The following DDX6 variants were observed in gnomAD, a reference collection of about 807,000 sequenced individuals.
The protein encoded by DDX6 is probable ATP-dependent RNA helicase DDX6.
A neutral mutation model predicts 60.6 loss-of-function variants in DDX6; 7 were observed. The ratio of observed to expected loss-of-function variants is 0.12; its 90% CI spans 0.07 to 0.22. DDX6 has a LOEUF of 0.22. Among genes scored for constraint, DDX6 ranks in the 10% least tolerant of loss-of-function variants. DDX6 has a pLI of 1.00. For missense variants in DDX6, 270 were observed against 589.9 expected, an observed-to-expected ratio of 0.46 and a Z score of 5.62; for synonymous variants, 207 against 201.0, an observed-to-expected ratio of 1.03 and a Z score of -0.25.
Position 118,786,058 on chromosome 11 carries a change from G to A in DDX6, c.194C>T (p.Thr65Ile). 6.2e-7 allele frequency: 1 copy of A among 1,613,232 alleles called. No individual in the cohort carries two copies. The highest frequency in any genetic ancestry group is 1.7e-4 in the Middle Eastern group (1 of 6,060). ...TQQQAQSMTT[T>I]IKPGDDWKKT... The stretch of plus-strand genomic sequence containing the variant: ...AATTTACTCTAACACTTACTTAATA[G>A]TGGTGGTCATACTCTGTGCTTGCTG... The change falls in exon 2 of 14, where the codon ACT becomes ATT. Residue 65 changes from threonine to isoleucine, a missense_variant. Thr to Ile is a moderately conservative substitution (Grantham distance 89). Transcript: ENST00000534980.
In DDX6 at chr11:118,781,181, A is replaced by G; in HGVS notation, c.204T>C (p.Pro68=). Residue 68 remains proline, a synonymous_variant, in exon 3 of 14, where the codon CCT becomes CCC. Coordinates refer to ENST00000534980, the MANE Select transcript of DDX6 (RefSeq NM_004397.6). ...QAQSMTTTIK[P]GDDWKKTLKL... is the part of the protein sequence containing the mutation. ...TTAAAGTCTTTTTCCAGTCATCACC[A>G]GGTCTAGAGAGAATACAGTAAACTT... The G allele has an allele frequency of 1.3e-6, 2 of 1,596,810 alleles. No individual in the cohort carries two copies. The highest frequency in any genetic ancestry group is 1.7e-6 in the Non-Finnish European group (2 of 1,168,156).
intron 7 of DDX6, among the ~76,000 whole-genome samples, chr11:118,761,877 A>AAC (rs1350894025): frequency 6.6e-6 from 1 of 150,632 alleles, no homozygotes; most frequent in African/African-American, 2.5e-5. Flanking sequence ...AAAAAAAAAA[A>AAC]ACAAACCATG....
At chr11:118,790,540 CCCTATAGGGCCGCCT>C (rs1473072557) in intron 1 of DDX6, among the ~76,000 whole-genome samples, 1 of 152,118 alleles carries the variant, frequency 6.6e-6, no homozygotes, top group Non-Finnish European at 1.5e-5. Flanking sequence ...CCCTGCCGCC[CCCTATAGGGCCGCCT>C]CGTACCCTAT....
intron 12 of DDX6, 50 bp from the exon 13 acceptor site, chr11:118,754,937 T>A (rs916067848): frequency 6.7e-7 from 1 of 1,496,572 alleles, no homozygotes; most frequent in East Asian, 2.4e-5. Flanking sequence ...TGAAAATCAA[T>A]GTGAATTGTG....
At chr11:118,755,666 A>G (rs782510578) in intron 11 of DDX6, among the ~76,000 whole-genome samples, 163 bp from the exon 12 acceptor site, 3 of 152,202 alleles carry the variant, frequency 2.0e-5, no homozygotes, top group Admixed American at 6.5e-5. Flanking sequence ...ATTATCATAA[A>G]TAACTTTCTG....
chr11:118,757,476 T>A (rs1487894070), intron 9 of DDX6, among the ~76,000 whole-genome samples, 189 bp from the exon 10 acceptor site: 5 of 152,252 alleles, frequency 3.3e-5, no homozygotes, highest in Admixed American at 1.3e-4. Context: ...TATCTAAGAT[T>A]TACCGTATTA....
At chr11:118,762,846 A>G (rs1861220710) in intron 7 of DDX6, among the ~76,000 whole-genome samples, 1 of 152,214 alleles carries the variant, frequency 6.6e-6, no homozygotes, top group Non-Finnish European at 1.5e-5. Flanking sequence ...TAAAAACCAA[A>G]CAGTACAAAG....
chr11:118,766,692 C>A (rs1423132046), intron 5 of DDX6, among the ~76,000 whole-genome samples: 1 of 152,080 alleles, frequency 6.6e-6, no homozygotes, highest in Non-Finnish European at 1.5e-5. Flanking sequence ...CTCCCAGGTT[C>A]AAGCAATTCT....
chr11:118,763,921 G>A (rs1591897741), intron 6 of DDX6, among the ~76,000 whole-genome samples: 1 of 151,716 alleles, frequency 6.6e-6, no homozygotes, highest in Non-Finnish European at 1.5e-5. Flanking sequence ...ACAAAGATGT[G>A]TTTTAGGATA....
In DDX6 at chr11:118,751,345, A is replaced by G. The variant is rs1471126179; in HGVS notation, c.*760T>C. The G allele has an allele frequency of 6.6e-6, 1 of 152,008 alleles. No individual in the cohort carries two copies. The highest frequency in any genetic ancestry group is 1.5e-5 in the Non-Finnish European group (1 of 68,012). 9.4% of individuals were successfully genotyped at this position (152,008 alleles called of 1,614,324 possible). A position where few individuals can be genotyped will look rare whatever the true frequency, so the allele number is the denominator to read the frequency against. On this transcript the variant is annotated 3_prime_UTR_variant, in exon 14 of 14. Coordinates refer to ENST00000534980, the MANE Select transcript of DDX6 (RefSeq NM_004397.6). ...ATGTTTTTTATCTACTCAGCCCAGA[A>G]GAAATTTTTACTTGGGATTGTTTTT...
chr11:118,754,822 T>C lies in DDX6; in HGVS notation c.1342A>G (p.Ser448Gly). 6.2e-7 allele frequency: 1 copy of C among 1,613,852 alleles called. No individual in the cohort carries two copies. The highest frequency in any genetic ancestry group is 2.2e-5 in the East Asian group (1 of 44,870). The change falls in exon 13 of 14, where the codon AGT becomes GGT. Residue 448 changes from serine to glycine, a missense_variant. Physicochemically the swap from Ser to Gly is moderately conservative, Grantham distance 56 (BLOSUM62 0). Around this residue, in one of 8 missense-constraint regions of DDX6, gnomAD observed 34 missense variants for 59.4 expected, o/e 0.57. Coordinates refer to ENST00000534980, the MANE Select transcript of DDX6 (RefSeq NM_004397.6). ...TCTGTTCCCAGCTGCTCCTCAATAC[T>C]TTTCAGGTTGAAGCGATCATCATAT... is the stretch of plus-strand genomic sequence containing the variant. ...ITYDDRFNLK[S>G]IEEQLGTEIK...
chr11:118,786,329 G>A lies in DDX6; in HGVS notation c.-78C>T. ...GAGAAACTGTAATAACAGTTTATTA[G>A]GCTCTCCAAAATGAAGAGATAAATA... is the stretch of plus-strand genomic sequence containing the variant. On this transcript the variant is annotated 5_prime_UTR_variant, in exon 2 of 14. Transcript: ENST00000534980. 2.4e-6 allele frequency: 3 copies of A among 1,260,650 alleles called. No individual in the cohort carries two copies. Among genetic ancestry groups the A allele is most frequent in the Non-Finnish European group, 3.3e-6 (3 of 907,066 alleles). 78.1% of individuals were successfully genotyped at this position (1,260,650 alleles called of 1,614,324 possible).
chr11:118,778,880 C>T (rs1418119711), intron 4 of DDX6, among the ~76,000 whole-genome samples: 6 of 151,920 alleles, frequency 3.9e-5, no homozygotes, highest in Non-Finnish European at 8.8e-5. Context: ...GGGAAATGTA[C>T]TATTAATAAA....
intron 1 of DDX6, chr11:118,787,475 AAAAAC>A (rs1862112991): frequency 1.1e-5 from 1 of 90,554 alleles, no homozygotes; most frequent in South Asian, 4.5e-4. Context: ...TCTCAAAAAC[AAAAAC>A]AAACAAGAAA....
rs1268973703 is a variant in DDX6, at chr11:118,750,881, A to C, written c.*1224T>G. 6.6e-6 allele frequency: 1 copy of C among 152,468 alleles called. No individual in the cohort carries two copies. Among genetic ancestry groups the C allele is most frequent in the African/African-American group, 2.4e-5 (1 of 41,386 alleles). The allele number at this position is 152,468 out of a possible 1,614,324, so 9.4% of individuals were successfully genotyped here. On this transcript the variant is annotated 3_prime_UTR_variant, in exon 14 of 14. Coordinates refer to ENST00000534980, the MANE Select transcript of DDX6 (RefSeq NM_004397.6). ...AGTGTGGCAGCAAACAGTACATCCC[A>C]GATTTCTGGGCCCCTTTACTAACAC...
chr11:118,783,533 T>A (rs962593736), intron 2 of DDX6, among the ~76,000 whole-genome samples: 24 of 152,172 alleles, frequency 1.6e-4, no homozygotes, highest in Non-Finnish European at 3.1e-4. Flanking sequence ...CCAGGTGCAG[T>A]GGCTCACGCC....
chr11:118,749,888 G>C lies in DDX6; in HGVS notation c.*2217C>G, dbSNP rs1170333667. ...GACTGGACAGAAAATATGAGGCTTGGGTTCCAAATAGATGAGCTTGTTCTT... is the reference window on the plus strand; with the variant it reads ...GACTGGACAGAAAATATGAGGCTTGCGTTCCAAATAGATGAGCTTGTTCTT... On this transcript the variant is annotated 3_prime_UTR_variant, in exon 14 of 14. Coordinates refer to ENST00000534980, the MANE Select transcript of DDX6 (RefSeq NM_004397.6). The C allele has an allele frequency of 2.0e-5, 3 of 152,544 alleles. No individual in the cohort carries two copies. Among genetic ancestry groups the C allele is most frequent in the Non-Finnish European group, 4.4e-5 (3 of 68,010 alleles). The allele number at this position is 152,544 out of a possible 1,614,324, so 9.4% of individuals were successfully genotyped here.
At chr11:118,754,179 T>C (rs1860883805) in intron 13 of DDX6, among the ~76,000 whole-genome samples, 1 of 152,194 alleles carries the variant, frequency 6.6e-6, no homozygotes, top group African/African-American at 2.4e-5. Flanking sequence ...CCTATAATCC[T>C]AACACTTTGG....
chr11:118,765,466 T>C (rs1403721428), intron 5 of DDX6, 111 bp from the exon 6 acceptor site: 2 of 1,128,844 alleles, frequency 1.8e-6, no homozygotes, highest in Non-Finnish European at 2.6e-6. Flanking sequence ...CGCCTTATGA[T>C]GCAGTGGCTC....
Sources: gnomAD v4.1 joint callset for allele counts (sites outside exome capture counted in the v4.1 genomes callset) on GRCh38, gnomAD v4.1.1 for gene constraint, gnomAD v4.1.1 regional missense constraint, MANE v1.5 for transcripts, NCBI Gene and HGNC (gene_info 2026-07-23, HGNC 2026-07-21) for gene names.